Variants in ENTPD4 observed in about 807,000 individuals in gnomAD.
The protein encoded by ENTPD4 is ectonucleoside triphosphate diphosphohydrolase 4, also known as Golgi UDPase.
ENTPD4 carries 60 observed loss-of-function variants against 79.1 expected under a neutral mutation model. The observed-to-expected ratio is 0.76, with a 90% CI of 0.62 to 0.94. The LOEUF (loss-of-function observed/expected upper bound fraction) is 0.94. Ranked by LOEUF, ENTPD4 falls within the 40% of genes least tolerant of loss-of-function variation. The pLI, the probability that ENTPD4 is intolerant of heterozygous loss-of-function variation, is 0.00. For synonymous variants in ENTPD4, 276 were observed against 292.0 expected, an observed-to-expected ratio of 0.95 and a Z score of 0.56; for missense variants, 772 against 775.1, an observed-to-expected ratio of 1.00 and a Z score of 0.05.
chr8:23,436,493 G>C (rs184689131), intron 10 of ENTPD4, among the ~76,000 whole-genome samples: 28 of 152,218 alleles, frequency 1.8e-4, no homozygotes, highest in African/African-American at 6.0e-4. Flanking sequence ...AGCAAACCCT[G>C]AATATGGATG....
At chr8:23,434,803 A>G (rs1800526919) in intron 11 of ENTPD4, 1 of 690,852 alleles carries the variant, frequency 1.4e-6, no homozygotes, top group African/African-American at 1.8e-5. Context: ...ACAGGTTCCA[A>G]CCTCTTTGTA....
At chr8:23,441,374 G>C in intron 8 of ENTPD4, 195 bp downstream of exon 8, 1 of 980,496 alleles carries the variant, frequency 1.0e-6, no homozygotes, top group Non-Finnish European at 1.2e-6. Flanking sequence ...CAAACCAGCT[G>C]ATTTCAATGA....
chr8:23,437,302 T>C, intron 9 of ENTPD4, 44 bp from the exon 10 acceptor site: 2 of 1,475,312 alleles, frequency 1.4e-6, no homozygotes, highest in Non-Finnish European at 9.1e-7. Flanking sequence ...TACAGAAAAC[T>C]GTGTTTTCAG....
In ENTPD4 at chr8:23,447,787, A is replaced by G; in HGVS notation, c.305T>C (p.Val102Ala). 6.2e-7 allele frequency: 1 copy of G among 1,614,124 alleles called. No homozygotes were observed. Among genetic ancestry groups the G allele is most frequent in the South Asian group, 1.1e-5 (1 of 91,082 alleles). ...VVDCGSSGSR[V>A]FVYCWPRHNG... ...ATGCCTTGGCCAGCAGTAAACAAAT[A>G]CTCGAGACCCACTGCTACCACAGTC... The change falls in exon 4 of 13, where the codon GTA becomes GCA. Residue 102 changes from valine to alanine, a missense_variant. Val to Ala is a moderately conservative substitution (Grantham distance 64, BLOSUM62 0). Transcript: ENST00000358689.
At position 23,437,197 on chromosome 8, in the gene ENTPD4, G is replaced by C. The variant is rs762945610; in HGVS notation, c.1111C>G (p.Leu371Val). 2 of 1,614,148 alleles carry C rather than the reference G, an allele frequency of 1.2e-6. No homozygotes were observed. Among genetic ancestry groups the C allele is most frequent in the South Asian group, 2.2e-5 (2 of 91,078 alleles). Reference sequence around the variant, plus strand: ...TGCTGGATTTCATCTTTAATGTCTAGGGGTAGGCAGGGGTCCAAGTACGGC... The same window carrying C: ...TGCTGGATTTCATCTTTAATGTCTACGGGTAGGCAGGGGTCCAAGTACGGC... ...DMPYLDPCLP[L>V]DIKDEIQQNG... is the part of the protein sequence containing the mutation. Residue 371 changes from leucine (L) to valine (V), a missense_variant, in exon 10 of 13, where the codon CTA becomes GTA. Leu to Val is a conservative substitution (Grantham distance 32, BLOSUM62 1). Transcript: ENST00000358689.
At chr8:23,449,506 C>T (rs1800822062) in intron 2 of ENTPD4, among the ~76,000 whole-genome samples, 1 of 152,032 alleles carries the variant, frequency 6.6e-6, no homozygotes, top group Non-Finnish European at 1.5e-5. Flanking sequence ...TAACAACATC[C>T]CCATAACAAA....
Position 23,429,173 on chromosome 8 carries a change from A to T in ENTPD4, c.*3753T>A. On this transcript the variant is annotated 3_prime_UTR_variant, in exon 13 of 13. Transcript: ENST00000358689. ...CAGTCTACGGGCCATGGGATGATGA[A>T]CTTTCGTTTTATTGATTTTTCAGTA... is the stretch of plus-strand genomic sequence containing the variant. 1 of 985,458 alleles carries T rather than the reference A, an allele frequency of 1.0e-6. No homozygotes were observed. The highest frequency in any genetic ancestry group is 1.2e-6 in the Non-Finnish European group (1 of 829,912). The allele number at this position is 985,458 out of a possible 1,614,324, so 61.0% of individuals were successfully genotyped here. A position where few individuals can be genotyped will look rare whatever the true frequency, so the allele number is the denominator to read the frequency against.
Position 23,444,597 on chromosome 8 carries a change from T to C in ENTPD4, c.422A>G (p.Glu141Gly). 1 of 1,614,042 alleles carries C rather than the reference T, an allele frequency of 6.2e-7. No individual in the cohort carries two copies. The highest frequency in any genetic ancestry group is 8.5e-7 in the Non-Finnish European group (1 of 1,179,896). The change falls in exon 5 of 13, where the codon GAA (glutamate) becomes GGA (glycine). Residue 141 changes from glutamate (E) to glycine (G), a missense_variant. By Grantham distance (98) the Glu-to-Gly change is moderately conservative. Coordinates refer to ENST00000358689, the MANE Select transcript of ENTPD4 (RefSeq NM_004901.5). ...GACTTTCTCTGGAGAGGTAGCAAAT[T>C]CTGAAATGCCTAGAGAAACAGGATA... The part of the protein sequence containing the change: ...VVMKIKPGIS[E>G]FATSPEKVSD...
At chr8:23,451,907 C>T (rs1441466610) in intron 1 of ENTPD4, among the ~76,000 whole-genome samples, 2 of 152,216 alleles carry the variant, frequency 1.3e-5, no homozygotes, top group Admixed American at 1.3e-4. Flanking sequence ...CCTGATTGAT[C>T]TTTTCTCCTT....
At chr8:23,434,710 G>T in intron 11 of ENTPD4, 1 of 1,355,560 alleles carries the variant, frequency 7.4e-7, no homozygotes, top group Non-Finnish European at 9.5e-7. Context: ...CATGAACCCG[G>T]TCTCGGCATA....
At position 23,432,388 on chromosome 8, in the gene ENTPD4, G is replaced by A. The variant is rs1061293; in HGVS notation, c.*538C>T. ...CCAGAAATCTCATTTATTTTTGGCA[G>A]ATATCCTGTGCAGCAAAAATCAAGT... is the stretch of plus-strand genomic sequence containing the variant. On this transcript the variant is annotated 3_prime_UTR_variant, in exon 13 of 13. Transcript: ENST00000358689. 168,085 of 985,258 alleles carry A rather than the reference G, an allele frequency of 0.17. 14,960 individuals carry two copies. Among genetic ancestry groups the A allele is most frequent in the Middle Eastern group, 0.2 (390 of 1,914 alleles). 61.0% of individuals were successfully genotyped at this position (985,258 alleles called of 1,614,324 possible).
chr8:23,429,652 A>G lies in ENTPD4; in HGVS notation c.*3274T>C. 1.0e-6 allele frequency: 1 copy of G among 985,358 alleles called. No homozygotes were observed. The highest frequency in any genetic ancestry group is 1.2e-6 in the Non-Finnish European group (1 of 829,844). The allele number at this position is 985,358 out of a possible 1,614,324, so 61.0% of individuals were successfully genotyped here. A position where few individuals can be genotyped will look rare whatever the true frequency, so the allele number is the denominator to read the frequency against. ...TTAAAATGTAAATATCTGTTTATCCAGAGTTTGTTAATCTAGAGTACACAG... is the reference window on the plus strand; with the variant it reads ...TTAAAATGTAAATATCTGTTTATCCGGAGTTTGTTAATCTAGAGTACACAG... On this transcript the variant is annotated 3_prime_UTR_variant, in exon 13 of 13. Coordinates refer to ENST00000358689, the MANE Select transcript of ENTPD4 (RefSeq NM_004901.5).
At position 23,434,408 on chromosome 8, in the gene ENTPD4, T is replaced by C. The variant is rs761988380; in HGVS notation, c.1531A>G (p.Lys511Glu). ...HRGFSFPVNY[K>E]SLKTALQVYD... ...ACTTGCAAGGCAGTCTTTAAGCTTTTATAGTTGACAGGAAACGAAAAGCCC... is the reference window on the plus strand; with the variant it reads ...ACTTGCAAGGCAGTCTTTAAGCTTTCATAGTTGACAGGAAACGAAAAGCCC... Residue 511 changes from lysine to glutamate, a missense_variant, in exon 12 of 13, where the codon AAA becomes GAA. Lys to Glu is a moderately conservative substitution (Grantham distance 56). Transcript: ENST00000358689. 1 of 1,614,218 alleles carries C rather than the reference T, an allele frequency of 6.2e-7. No individual in the cohort carries two copies. Among genetic ancestry groups the C allele is most frequent in the South Asian group, 1.1e-5 (1 of 91,086 alleles).
rs991948646 is a variant in ENTPD4 at position 23,435,395 on chromosome 8, A to C, written c.1457T>G (p.Leu486Arg). Residue 486 changes from leucine (L) to arginine (R), a missense_variant, in exon 11 of 13, where the codon CTT becomes CGT. Leu to Arg is a moderately radical substitution (Grantham distance 102). Coordinates refer to ENST00000358689, the MANE Select transcript of ENTPD4 (RefSeq NM_004901.5). The part of the protein sequence containing the change: ...LYASHADLHR[L>R]KYQCFKSAWM... Reference sequence around the variant, plus strand: ...GGCTTGACCTTCTAGTACTTACTTAAGCCTGTGGAGGTCAGCATGAGAGGC... The same window carrying C: ...GGCTTGACCTTCTAGTACTTACTTACGCCTGTGGAGGTCAGCATGAGAGGC... 2 of 1,612,534 alleles carry C rather than the reference A, an allele frequency of 1.2e-6. No individual in the cohort carries two copies. The highest frequency in any genetic ancestry group is 1.3e-5 in the African/African-American group (1 of 74,888).
chr8:23,445,036 G>A (rs962687120), intron 4 of ENTPD4, among the ~76,000 whole-genome samples: 25 of 152,226 alleles, frequency 1.6e-4, no homozygotes, highest in African/African-American at 6.0e-4. Flanking sequence ...GCCCTTGCTT[G>A]TCCTCACAGC....
intron 11 of ENTPD4, chr8:23,434,685 T>C: frequency 7.1e-7 from 1 of 1,411,600 alleles, no homozygotes; most frequent in Non-Finnish European, 9.2e-7. Context: ...AGTTCACCTG[T>C]CAAATCAATC....
intron 10 of ENTPD4, among the ~76,000 whole-genome samples, chr8:23,435,714 C>G (rs1311514112): frequency 2.6e-5 from 4 of 152,216 alleles, no homozygotes; most frequent in Non-Finnish European, 4.4e-5. Flanking sequence ...GAGAGCTTTG[C>G]TGTCCACAAC....
In ENTPD4 at chr8:23,447,864, G is replaced by A. The variant is rs763602370; in HGVS notation, c.228C>T (p.Asp76=). Residue 76 remains aspartate, a synonymous_variant, in exon 4 of 13, where the codon GAC becomes GAT. Transcript: ENST00000358689. ...GGTTATTGGTGTCTGTAGCTTCAATGTCGGTAACTCGTGCCAGGTACCTTG... is the reference window on the plus strand; with the variant it reads ...GGTTATTGGTGTCTGTAGCTTCAATATCGGTAACTCGTGCCAGGTACCTTG... The part of the protein sequence containing the change: ...KFQRYLARVT[D]IEATDTNNPN... 27 of 1,614,062 alleles carry A rather than the reference G, an allele frequency of 1.7e-5. No homozygotes were observed. The highest frequency in any genetic ancestry group is 2.2e-5 in the Non-Finnish European group (26 of 1,180,014).
chr8:23,447,457 T>C (rs1800781490), intron 4 of ENTPD4, among the ~76,000 whole-genome samples: 1 of 152,176 alleles, frequency 6.6e-6, no homozygotes, highest in African/African-American at 2.4e-5. Flanking sequence ...TAAAATGCTA[T>C]GGGAGACAAA....
Sources: gnomAD v4.1 joint callset for allele counts (sites outside exome capture counted in the v4.1 genomes callset) on GRCh38, gnomAD v4.1.1 for gene constraint, MANE v1.5 for transcripts, NCBI Gene and HGNC (gene_info 2026-07-23, HGNC 2026-07-21) for gene names.